The following SLIT2 variants were observed in gnomAD, a reference collection of about 807,000 sequenced individuals.
SLIT2 encodes slit guidance ligand 2, also known as slit homolog 2 protein.
In SLIT2, 41 loss-of-function variants were observed where a neutral mutation model predicts 185.7. The ratio of observed to expected loss-of-function variants is 0.22; its 90% CI spans 0.17 to 0.29. SLIT2 has a LOEUF of 0.29. SLIT2 is among the 10% of genes least tolerant of loss of function. The probability of loss-of-function intolerance (pLI) is 1.00; values close to 1 mark genes in which losing one functional copy is unlikely to be tolerated. For synonymous variants in SLIT2, 693 were observed against 680.2 expected (o/e 1.02, Z -0.29); for missense variants, 1,571 against 1,909.0 (o/e 0.82, Z 3.30).
At chr4:20,294,138 A>G (rs566408583) in intron 4 of SLIT2, among the ~76,000 whole-genome samples, 3 of 152,090 alleles carry the variant, frequency 2.0e-5, no homozygotes, top group Admixed American at 6.5e-5. Flanking sequence ...ACTTGAGGCT[A>G]GGAGTTTGAG....
intron 4 of SLIT2, among the ~76,000 whole-genome samples, chr4:20,319,196 C>A (rs1718841616): frequency 1.3e-5 from 2 of 152,092 alleles, no homozygotes; most frequent in South Asian, 4.1e-4. Context: ...TAGATACAGT[C>A]CTTGCCCAGT....
intron 4 of SLIT2, among the ~76,000 whole-genome samples, chr4:20,422,094 A>G (rs906931442): frequency 1.3e-5 from 2 of 152,192 alleles, no homozygotes; most frequent in African/African-American, 2.4e-5. Context: ...TTCACACTTC[A>G]TAATACGTTT....
rs557760965 is a variant in SLIT2 at position 20,511,008 on chromosome 4, C to T, written c.987-58C>T. The T allele has an allele frequency of 6.0e-5, 65 of 1,091,770 alleles. 1 individual carries two copies. Among genetic ancestry groups the T allele is most frequent in the South Asian group, 1.5e-4 (12 of 78,802 alleles). 67.6% of individuals were successfully genotyped at this position (1,091,770 alleles called of 1,614,324 possible). ...TTTAAAAGCCATACATAGCTTTTTC[C>T]GCAGTAAATCTCACTGACATTTGAT... is the stretch of plus-strand genomic sequence containing the variant. On this transcript the variant is annotated intron_variant, in intron 10 of 36. Transcript: ENST00000504154.
intron 12 of SLIT2, 38 bp downstream of exon 12, chr4:20,519,491 A>AAT: frequency 8.3e-7 from 1 of 1,205,774 alleles, no homozygotes; most frequent in South Asian, 1.3e-5. Flanking sequence ...CGAGCCTAAT[A>AAT]ATATATATTA....
At chr4:20,262,437 G>A (rs1471068527) in intron 3 of SLIT2, among the ~76,000 whole-genome samples, 2 of 151,808 alleles carry the variant, frequency 1.3e-5, no homozygotes, top group African/African-American at 4.8e-5. Context: ...TATATTCTCT[G>A]TTTATCAAGG....
At chr4:20,522,217 G>A (rs1720903430) in intron 12 of SLIT2, among the ~76,000 whole-genome samples, 1 of 152,046 alleles carries the variant, frequency 6.6e-6, no homozygotes, top group African/African-American at 2.4e-5. Context: ...CACTCTGAAT[G>A]TAAGAGTTGA....
intron 4 of SLIT2, among the ~76,000 whole-genome samples, chr4:20,331,360 A>T (rs1043259101): frequency 2.0e-5 from 3 of 152,134 alleles, no homozygotes; most frequent in Admixed American, 6.6e-5. Context: ...AGTGTTATTG[A>T]TTGATCTTCA....
At chr4:20,292,408 A>G (rs954029838) in intron 4 of SLIT2, among the ~76,000 whole-genome samples, 2 of 152,168 alleles carry the variant, frequency 1.3e-5, no homozygotes, top group African/African-American at 4.8e-5. Context: ...TGTTACAGCT[A>G]CTTGGGAGGC....
intron 29 of SLIT2, among the ~76,000 whole-genome samples, chr4:20,571,582 A>T (rs1360075541): frequency 1.3e-5 from 2 of 152,162 alleles, no homozygotes; most frequent in South Asian, 2.1e-4. Flanking sequence ...TTTATATCCT[A>T]CTTCATCCAA....
intron 9 of SLIT2, among the ~76,000 whole-genome samples, chr4:20,508,528 TA>T (rs1265016594): frequency 2.0e-5 from 3 of 152,112 alleles, no homozygotes; most frequent in African/African-American, 7.2e-5. Context: ...TATGATATGT[TA>T]TTGGATGTAA....
At chr4:20,546,228 T>G in intron 22 of SLIT2, 129 bp downstream of exon 22, 3 of 529,752 alleles carry the variant, frequency 5.7e-6, no homozygotes, top group Non-Finnish European at 1.0e-5. Context: ...CCCTCCTTGC[T>G]CATTGCGGTT....
chr4:20,396,006 G>T (rs1053170647), intron 4 of SLIT2, among the ~76,000 whole-genome samples: 12 of 151,796 alleles, frequency 7.9e-5, no homozygotes, highest in Non-Finnish European at 1.5e-5. Context: ...TATACTATTA[G>T]TAGTAAATAT....
At chr4:20,391,621 G>A (rs904761309) in intron 4 of SLIT2, among the ~76,000 whole-genome samples, 3 of 152,076 alleles carry the variant, frequency 2.0e-5, no homozygotes, top group Non-Finnish European at 2.9e-5. Flanking sequence ...ACATGTTTTA[G>A]CACGATTTCT....
intron 4 of SLIT2, among the ~76,000 whole-genome samples, chr4:20,376,074 T>G (rs1056433316): frequency 6.0e-5 from 9 of 150,768 alleles, no homozygotes; most frequent in African/African-American, 1.9e-4. Flanking sequence ...AATAAAAAAT[T>G]TTTCAAAACA....
Position 20,252,129 on chromosome 4 carries a change from G to C in SLIT2, c.-1687G>C, listed in dbSNP as rs1201271487. On this transcript the variant is annotated 5_prime_UTR_variant, in exon 1 of 37. Coordinates refer to ENST00000504154, the MANE Select transcript of SLIT2 (RefSeq NM_004787.4). ...TGCTGAGCAGAAAGGGGAGCGCCGGGGGCCCGCAGCCGGCTCCGGAGGCGC... is the reference window on the plus strand; with the variant it reads ...TGCTGAGCAGAAAGGGGAGCGCCGGCGGCCCGCAGCCGGCTCCGGAGGCGC... 1.3e-5 allele frequency among the ~76,000 whole-genome samples: 2 copies of C among 151,978 alleles called. No homozygotes were observed. The highest frequency in any genetic ancestry group is 6.5e-5 in the Admixed American group (1 of 15,290).
chr4:20,435,987 G>A (rs1230670668), intron 4 of SLIT2, among the ~76,000 whole-genome samples: 2 of 152,194 alleles, frequency 1.3e-5, no homozygotes, highest in African/African-American at 4.8e-5. Context: ...GAGTGAATGA[G>A]CTGATGTTTA....
chr4:20,500,908 A>G (rs1718675381), intron 9 of SLIT2, among the ~76,000 whole-genome samples: 1 of 152,178 alleles, frequency 6.6e-6, no homozygotes, highest in Non-Finnish European at 1.5e-5. Flanking sequence ...CCTCTATCAA[A>G]TACAACTTGC....
intron 4 of SLIT2, among the ~76,000 whole-genome samples, chr4:20,311,412 C>T (rs1231649905): frequency 2.0e-5 from 3 of 151,852 alleles, no homozygotes; most frequent in Non-Finnish European, 2.9e-5. Context: ...TTTTTGTGTT[C>T]GAAAGTCAGT....
chr4:20,491,785 C>G lies in SLIT2; in HGVS notation c.800C>G (p.Ser267Cys). ...CSGHQSFMAP[S>C]CSVLHCPAAC... Reference sequence around the variant, plus strand: ...GGTCACCAGTCATTTATGGCTCCTTCTTGTAGTGTTTTGCACTGCCCTGCC... The same window carrying G: ...GGTCACCAGTCATTTATGGCTCCTTGTTGTAGTGTTTTGCACTGCCCTGCC... Residue 267 changes from serine to cysteine, a missense_variant, in exon 9 of 37, where the codon TCT (serine) becomes TGT (cysteine). Transcript: ENST00000504154. 1 of 1,612,928 alleles carries G rather than the reference C, an allele frequency of 6.2e-7. No individual in the cohort carries two copies. Among genetic ancestry groups the G allele is most frequent in the East Asian group, 2.2e-5 (1 of 44,794 alleles).
Sources: gnomAD v4.1 joint callset for allele counts (sites outside exome capture counted in the v4.1 genomes callset) on GRCh38, gnomAD v4.1.1 for gene constraint, MANE v1.5 for transcripts, NCBI Gene and HGNC (gene_info 2026-07-23, HGNC 2026-07-21) for gene names.